The following DGKI variants were observed in gnomAD, a reference collection of about 807,000 sequenced individuals.
DGKI encodes DAG kinase iota.
Under a neutral mutation model 147.5 loss-of-function variants are expected in DGKI, and 55 were observed. The ratio of observed to expected loss-of-function variants is 0.37; its 90% CI spans 0.30 to 0.47. The LOEUF is 0.47. Ranked by LOEUF, DGKI falls within the 20% of genes least tolerant of loss-of-function variation. The pLI is 1.00. For synonymous variants in DGKI, 469 were observed against 477.1 expected, an observed-to-expected ratio of 0.98 and a Z score of 0.22; for missense variants, 1,007 against 1,323.8, an observed-to-expected ratio of 0.76 and a Z score of 3.71.
At chr7:137,760,233 G>A (rs1585455640) in intron 1 of DGKI, among the ~76,000 whole-genome samples, 1 of 152,264 alleles carries the variant, frequency 6.6e-6, no homozygotes, top group African/African-American at 2.4e-5. Flanking sequence ...AGCCCTGCGG[G>A]AAGAAACGGC....
intron 3 of DGKI, among the ~76,000 whole-genome samples, chr7:137,675,708 T>C (rs947796196): frequency 2.4e-5 from 3 of 123,572 alleles, no homozygotes; most frequent in Admixed American, 8.2e-5. Flanking sequence ...AAAAAAAAAA[T>C]CGGAGACTCT....
intron 6 of DGKI, among the ~76,000 whole-genome samples, chr7:137,625,441 T>C (rs1361278651): frequency 6.6e-6 from 1 of 151,480 alleles, no homozygotes; most frequent in Non-Finnish European, 1.5e-5. Flanking sequence ...GCCTGAGGGA[T>C]AGAGCAAGAC....
chr7:137,808,970 C>A (rs1432652884), intron 1 of DGKI, among the ~76,000 whole-genome samples: 1 of 152,158 alleles, frequency 6.6e-6, no homozygotes, highest in Non-Finnish European at 1.5e-5. Flanking sequence ...CACACCCCCC[C>A]AGGAATGTGT....
At chr7:137,843,379 GA>G (rs1798604293) in intron 1 of DGKI, 1 of 982,634 alleles carries the variant, frequency 1.0e-6, no homozygotes, top group Non-Finnish European at 1.2e-6. Context: ...AATTTTAAAA[GA>G]AAAGTACCAG....
chr7:137,821,518 T>A (rs976412331), intron 1 of DGKI, among the ~76,000 whole-genome samples: 6 of 152,214 alleles, frequency 3.9e-5, no homozygotes, highest in Non-Finnish European at 7.3e-5. Context: ...TGTTAACTTT[T>A]CTATTGTTGT....
In DGKI at chr7:137,385,023, G is replaced by T. The variant is rs1057229379; in HGVS notation, c.*6197C>A. On this transcript the variant is annotated 3_prime_UTR_variant, in exon 33 of 33. Transcript: ENST00000614521. Reference sequence around the variant, plus strand: ...TACTTGGCTCCCAAATACCTTACAGGCAGAATTTTCTTCTGTGGTTATACT... The same window carrying T: ...TACTTGGCTCCCAAATACCTTACAGTCAGAATTTTCTTCTGTGGTTATACT... The T allele has an allele frequency of 6.6e-6, 1 of 151,816 alleles. No individual in the cohort carries two copies. The highest frequency in any genetic ancestry group is 6.6e-5 in the Admixed American group (1 of 15,214). 9.4% of individuals were successfully genotyped at this position (151,816 alleles called of 1,614,324 possible).
chr7:137,757,169 G>A (rs969645317), intron 1 of DGKI, among the ~76,000 whole-genome samples: 2 of 151,912 alleles, frequency 1.3e-5, no homozygotes, highest in East Asian at 3.9e-4. Flanking sequence ...ACTTAACGCT[G>A]CATCCACTTC....
chr7:137,684,880 C>T (rs1263400333), intron 2 of DGKI, among the ~76,000 whole-genome samples: 1 of 152,140 alleles, frequency 6.6e-6, no homozygotes, highest in Non-Finnish European at 1.5e-5. Flanking sequence ...TCCAGGTCTC[C>T]TAGGACTCAC....
At chr7:137,737,624 A>C (rs1339712400) in intron 1 of DGKI, among the ~76,000 whole-genome samples, 1 of 152,076 alleles carries the variant, frequency 6.6e-6, no homozygotes, top group Non-Finnish European at 1.5e-5. Context: ...CTATCAACCC[A>C]AATTACATCT....
rs1207067817 is a variant in DGKI at position 137,382,344 on chromosome 7, AT to A, written c.*8875del. ...TGGGAAAAAACCCTAAATATTCCTT[AT>A]TTTTTTCAAACTTTATCAGGGACCA... On this transcript the variant is annotated 3_prime_UTR_variant, in exon 33 of 33. Transcript: ENST00000614521. 6.6e-6 allele frequency: 1 copy of A among 151,952 alleles called. No individual in the cohort carries two copies. Among genetic ancestry groups the A allele is most frequent in the African/African-American group, 2.4e-5 (1 of 41,374 alleles). The allele number at this position is 151,952 out of a possible 1,614,324, so 9.4% of individuals were successfully genotyped here. A position where few individuals can be genotyped will look rare whatever the true frequency, so the allele number is the denominator to read the frequency against.
chr7:137,587,250 T>C (rs777743804), intron 12 of DGKI, 40 bp from the exon 13 acceptor site: 2 of 1,487,046 alleles, frequency 1.3e-6, no homozygotes, highest in South Asian at 2.5e-5. Flanking sequence ...ATAAGAAAGA[T>C]AAATAAGTTA....
chr7:137,522,010 G>T, intron 20 of DGKI, 44 bp from the exon 21 acceptor site: 1 of 1,451,132 alleles, frequency 6.9e-7, no homozygotes, highest in Non-Finnish European at 9.6e-7. Context: ...TGAGAGAGCG[G>T]AATTGGTAGC....
chr7:137,490,991 A>G (rs1406088), intron 21 of DGKI, among the ~76,000 whole-genome samples: 25,000 of 152,196 alleles, frequency 0.16, 3,094 homozygotes, highest in African/African-American at 0.36. Flanking sequence ...CTAACCTACA[A>G]TAAATAGATT....
intron 1 of DGKI, among the ~76,000 whole-genome samples, chr7:137,703,714 G>T (rs968705422): frequency 6.6e-6 from 1 of 152,144 alleles, no homozygotes; most frequent in African/African-American, 2.4e-5. Context: ...AAGCAGCAAT[G>T]ACAATACTAC....
At chr7:137,691,118 G>C (rs747782186) in intron 1 of DGKI, among the ~76,000 whole-genome samples, 4 of 152,146 alleles carry the variant, frequency 2.6e-5, no homozygotes, top group Non-Finnish European at 5.9e-5. Context: ...GAATCAGTTG[G>C]AGGGTGAGGC....
Position 137,756,410 on chromosome 7 carries a change from A to ATT in DGKI, c.402-66410_402-66409dup, listed in dbSNP as rs1563183236. Among the ~76,000 whole-genome samples the ATT allele has an allele frequency of 2.3e-4, 35 of 152,362 alleles. No individual in the cohort carries two copies. The South Asian group carries it at 3.7e-3, about 16-fold the overall frequency. On this transcript the variant is annotated intron_variant, in intron 1 of 32. Transcript: ENST00000614521. ...ATGCAAACACAGAAGAAAAAAAGTCATTCGGGAACCGTCAGAAAGGTTATT... is the reference window on the plus strand; with the variant it reads ...ATGCAAACACAGAAGAAAAAAAGTCATTTTCGGGAACCGTCAGAAAGGTTATT...
rs321188 is a variant in DGKI, at chr7:137,395,385, A to G, written c.3057+213T>C. Among the ~76,000 whole-genome samples the G allele has an allele frequency of 9.1e-3, 1,383 of 152,350 alleles. 13 individuals carry two copies. The highest frequency in any genetic ancestry group is 0.015 in the Non-Finnish European group (1,001 of 68,038). On this transcript the variant is annotated intron_variant, in intron 32 of 32. Coordinates refer to ENST00000614521, the MANE Select transcript of DGKI (RefSeq NM_001321708.2). The stretch of plus-strand genomic sequence containing the variant: ...GGTCAACGTGTTCAGAGGTTTATAA[A>G]GCCCCATAGGCAAGCACACGCCCTC...
chr7:137,471,958 ATATAT>A (rs1430228256), intron 23 of DGKI, among the ~76,000 whole-genome samples: 2 of 129,030 alleles, frequency 1.6e-5, no homozygotes, highest in Non-Finnish European at 3.1e-5. Context: ...TGTATATATT[ATATAT>A]TATATACATG....
Position 137,672,766 on chromosome 7 carries a change from C to CTTTTTTT in DGKI, c.606+5784_606+5790dup, listed in dbSNP as rs60078498. ...TCTCTGTGTGTGTGTCTCTGTGTGT[C>CTTTTTTT]TTTTTTTTTTTTTTTTTTTTTTTTT... On this transcript the variant is annotated intron_variant, in intron 3 of 32. Transcript: ENST00000614521. Among the ~76,000 whole-genome samples, 12 of 65,690 alleles carry CTTTTTTT rather than the reference C, an allele frequency of 1.8e-4. 1 individual carries two copies. Among genetic ancestry groups the CTTTTTTT allele is most frequent in the African/African-American group, 3.6e-4 (5 of 13,882 alleles). The allele number at this position is 65,690 out of a possible 152,430, so 43.1% of individuals were successfully genotyped here. A position where few individuals can be genotyped will look rare whatever the true frequency, so the allele number is the denominator to read the frequency against.
Sources: allele counts gnomAD v4.1 joint callset (sites outside exome capture counted in the v4.1 genomes callset), GRCh38; gene constraint gnomAD v4.1.1; transcripts MANE v1.5; gene names NCBI Gene and HGNC (gene_info 2026-07-23, HGNC 2026-07-21).